DNM2: variants seen among roughly 807,000 people sequenced by gnomAD.
The protein encoded by DNM2 is dynamin-2.
In DNM2, 15 loss-of-function variants were observed where a neutral mutation model predicts 99.0. The observed-to-expected ratio is 0.15, with a 90% CI of 0.10 to 0.23. The LOEUF (loss-of-function observed/expected upper bound fraction) is 0.23, where lower values mean the gene tolerates loss of function less well. DNM2 is among the 10% of genes least tolerant of loss of function. The probability of loss-of-function intolerance (pLI) is 1.00; values close to 1 mark genes in which losing one functional copy is unlikely to be tolerated. For missense variants in DNM2, 742 were observed against 1,189.4 expected (o/e 0.62, Z 5.53); for synonymous variants, 525 against 481.2 (o/e 1.09, Z -1.19).
At position 10,818,973 on chromosome 19, in the gene DNM2, A is replaced by C. The variant is rs1349078900; in HGVS notation, c.1672-1007A>C. 6.6e-6 allele frequency among the ~76,000 whole-genome samples: 1 copy of C among 151,972 alleles called. No individual in the cohort carries two copies. Among genetic ancestry groups the C allele is most frequent in the African/African-American group, 2.4e-5 (1 of 41,386 alleles). On this transcript the variant is annotated intron_variant, in intron 15 of 20. Coordinates refer to ENST00000389253, the MANE Select transcript of DNM2 (RefSeq NM_001005361.3). This position sits in a 1 kb window ranked among gnomAD's most constrained non-coding sequence, Gnocchi z 4.3. The stretch of plus-strand genomic sequence containing the variant: ...GCTGCTGTGGCGGGTGGGCACACAC[A>C]TCACTGGGTGAGTGTGGGACTCCAG...
intron 12 of DNM2, chr19:10,803,800 GCCAGTGCTGGGC>G (rs1434612715): frequency 1.6e-6 from 1 of 617,646 alleles, no homozygotes; most frequent in Non-Finnish European, 2.0e-6. Flanking sequence ...CAGAGCCAGG[GCCAGTGCTGGGC>G]CTCTGGGCCA....
rs375534797 is a variant in DNM2, at chr19:10,811,593, G to C, written c.1558-671G>C. 1 of 421,190 alleles carries C rather than the reference G, an allele frequency of 2.4e-6. No individual in the cohort carries two copies. The highest frequency in any genetic ancestry group is 4.8e-6 in the Non-Finnish European group (1 of 207,810). The allele number at this position is 421,190 out of a possible 1,614,324, so 26.1% of individuals were successfully genotyped here. On this transcript the variant is annotated intron_variant, in intron 14 of 20. Transcript: ENST00000389253. This position sits in a 1 kb window ranked among gnomAD's most constrained non-coding sequence, Gnocchi z 5.4. ...GCCCTCGTCCTGAGTGGGGTGGGGGGCTCTGCCCACACATGCCTCCAGCGG... is the reference window on the plus strand; with the variant it reads ...GCCCTCGTCCTGAGTGGGGTGGGGGCCTCTGCCCACACATGCCTCCAGCGG...
In DNM2 at chr19:10,830,344, C is replaced by T; in HGVS notation, c.2509C>T (p.Arg837Trp). The T allele has an allele frequency of 2.5e-6, 4 of 1,612,752 alleles. No individual in the cohort carries two copies. The highest frequency in any genetic ancestry group is 1.1e-5 in the South Asian group (1 of 91,086). ...APPQIPSRPVRIPPGIPPGVP... is the reference protein window; with the variant it reads ...APPQIPSRPVWIPPGIPPGVP... ...GCCTCAGATCCCATCTCGGCCAGTT[C>T]GGATCCCCCCAGGGATTCCCCCAGG... The change falls in exon 20 of 21, where the codon CGG becomes TGG. Residue 837 changes from arginine (R) to tryptophan (W), a missense_variant. Arg to Trp is a moderately radical substitution (Grantham distance 101). Transcript: ENST00000389253. This position sits in a 1 kb window ranked among gnomAD's most constrained non-coding sequence, Gnocchi z 4.8.
Position 10,786,590 on chromosome 19 carries a change from G to A in DNM2, c.876G>A (p.Ser292=), listed in dbSNP as rs749140605. ...NQQLTNHIRE[S]LPALRSKLQS... ...AACTGACCAACCACATCCGGGAGTC[G>A]CTGCCGGCCCTACGTAGCAAACTAC... The change falls in exon 7 of 21, where the codon TCG becomes TCA. Residue 292 remains serine (S), a synonymous_variant. Coordinates refer to ENST00000389253, the MANE Select transcript of DNM2 (RefSeq NM_001005361.3). 163 of 1,613,954 alleles carry A rather than the reference G, an allele frequency of 1.0e-4. No individual in the cohort carries two copies. Among genetic ancestry groups the A allele is most frequent in the Non-Finnish European group, 1.3e-4 (155 of 1,180,004 alleles).
At chr19:10,827,419 TTTA>T (rs1444247761) in intron 18 of DNM2, among the ~76,000 whole-genome samples, 3 of 152,024 alleles carry the variant, frequency 2.0e-5, no homozygotes, top group Non-Finnish European at 2.9e-5. Context: ...ATAAAAATAT[TTTA>T]TTATTTAAGA....
At chr19:10,761,754 G>A (rs2070640475) in intron 2 of DNM2, among the ~76,000 whole-genome samples, 1 of 152,154 alleles carries the variant, frequency 6.6e-6, no homozygotes, top group African/African-American at 2.4e-5. Flanking sequence ...CTCTCAGCTT[G>A]GCCTCCCAAG....
At chr19:10,808,454 T>C (rs2072429500) in intron 13 of DNM2, 115 bp from the exon 14 acceptor site, 9 of 1,164,994 alleles carry the variant, frequency 7.7e-6, no homozygotes, top group Non-Finnish European at 1.1e-5. Flanking sequence ...TCTTCTCTTC[T>C]CCTGTTTTTG....
At chr19:10,805,861 C>G in intron 12 of DNM2, 55 bp from the exon 13 acceptor site, 1 of 1,613,112 alleles carries the variant, frequency 6.2e-7, no homozygotes, top group South Asian at 1.1e-5. Flanking sequence ...GCCTCTTCCC[C>G]TTCTTCCCCC....
At chr19:10,725,385 G>T (rs1182100373) in intron 1 of DNM2, among the ~76,000 whole-genome samples, 1 of 151,360 alleles carries the variant, frequency 6.6e-6, no homozygotes, top group Middle Eastern at 3.2e-3. Context: ...GGAGGAACTT[G>T]CAGTAAGCGG....
rs762111033 is a variant in DNM2, at chr19:10,759,738, G to C, written c.162G>C (p.Arg54=). 1.9e-6 allele frequency: 3 copies of C among 1,614,072 alleles called. No homozygotes were observed. Among genetic ancestry groups the C allele is most frequent in the Middle Eastern group, 1.6e-4 (1 of 6,062 alleles). ...KSSVLENFVG[R]DFLPRGSGIV... Reference sequence around the variant, plus strand: ...TTCTGTCCCTCTCCCCCCCTCACAGGGACTTCCTTCCCCGCGGTTCAGGAA... The same window carrying C: ...TTCTGTCCCTCTCCCCCCCTCACAGCGACTTCCTTCCCCGCGGTTCAGGAA... Residue 54 remains arginine, a splice_region_variant and synonymous_variant, in exon 2 of 21, where the codon CGG becomes CGC. Transcript: ENST00000389253.
At position 10,817,464 on chromosome 19, in the gene DNM2, C is replaced by T. The variant is rs759983019; in HGVS notation, c.1672-2516C>T. 8 of 498,330 alleles carry T rather than the reference C, an allele frequency of 1.6e-5. No homozygotes were observed. The highest frequency in any genetic ancestry group is 3.3e-5 in the Non-Finnish European group (8 of 242,384). 30.9% of individuals were successfully genotyped at this position (498,330 alleles called of 1,614,324 possible). ...GCAGACTACTGTACACATTGAGAGCCTCCTGAACAGGTAGTCTGAACACTG... is the reference window on the plus strand; with the variant it reads ...GCAGACTACTGTACACATTGAGAGCTTCCTGAACAGGTAGTCTGAACACTG... On this transcript the variant is annotated intron_variant, in intron 15 of 20. Transcript: ENST00000389253. This position sits in a 1 kb window ranked among gnomAD's most constrained non-coding sequence, Gnocchi z 4.6.
intron 1 of DNM2, among the ~76,000 whole-genome samples, chr19:10,730,096 T>A (rs993372570): frequency 6.6e-6 from 1 of 152,110 alleles, no homozygotes; most frequent in Non-Finnish European, 1.5e-5. Flanking sequence ...ACTCCTGGGC[T>A]CATGCGATCC....
chr19:10,781,008 A>C (rs541042783), intron 5 of DNM2, among the ~76,000 whole-genome samples: 66 of 117,176 alleles, frequency 5.6e-4, no homozygotes, highest in Admixed American at 4.8e-3. Flanking sequence ...ACAGAGTGAG[A>C]CTCTGTCTTT....
Position 10,830,928 on chromosome 19 carries a change from C to G in DNM2, c.2544-50C>G. 1 of 1,576,102 alleles carries G rather than the reference C, an allele frequency of 6.3e-7. No homozygotes were observed. Among genetic ancestry groups the G allele is most frequent in the Non-Finnish European group, 8.6e-7 (1 of 1,159,026 alleles). ...TCAACCCAGGCCTGCCTCTTGCTCC[C>G]GGCCTCACTGCCGTCTCCCCCTCCC... On this transcript the variant is annotated intron_variant, in intron 20 of 20. Transcript: ENST00000389253. The surrounding 1 kb of genome is among the most constrained non-coding windows in gnomAD (Gnocchi z 4.8).
chr19:10,731,985 G>A (rs1414943096), intron 1 of DNM2, among the ~76,000 whole-genome samples: 3 of 145,758 alleles, frequency 2.1e-5, no homozygotes, highest in Middle Eastern at 3.5e-3. Context: ...ACGGAGTTTC[G>A]CTGTTGTTGC....
intron 1 of DNM2, among the ~76,000 whole-genome samples, chr19:10,727,924 TTTGGAAAA>T (rs2069166900): frequency 6.6e-6 from 1 of 152,210 alleles, no homozygotes; most frequent in Non-Finnish European, 1.5e-5. Flanking sequence ...GTGTTAAAGC[TTTGGAAAA>T]ATCCAAGCCA....
intron 1 of DNM2, among the ~76,000 whole-genome samples, chr19:10,721,633 T>C (rs895484309): frequency 6.6e-6 from 1 of 152,106 alleles, no homozygotes; most frequent in Non-Finnish European, 1.5e-5. Context: ...AGCCTCGAAC[T>C]CCAGGGCTCA....
intron 3 of DNM2, among the ~76,000 whole-genome samples, chr19:10,773,299 C>G (rs1180063116): frequency 6.6e-6 from 1 of 151,856 alleles, no homozygotes; most frequent in Non-Finnish European, 1.5e-5. Flanking sequence ...AGGCAACTGC[C>G]GCCACGCCTG....
rs2070740683 is a variant in DNM2 at position 10,764,711 on chromosome 19, G to A, written c.235+4900G>A. Among the ~76,000 whole-genome samples, 1 of 152,264 alleles carries A rather than the reference G, an allele frequency of 6.6e-6. No homozygotes were observed. Among genetic ancestry groups the A allele is most frequent in the Middle Eastern group, 3.4e-3 (1 of 294 alleles). ...TCGAGCCTCCTTCTCAAGGCCTTGT[G>A]GCCCTTGCCAGTCTCTGGGACCTCA... On this transcript the variant is annotated intron_variant, in intron 2 of 20. Coordinates refer to ENST00000389253, the MANE Select transcript of DNM2 (RefSeq NM_001005361.3). This position sits in a 1 kb window ranked among gnomAD's most constrained non-coding sequence, Gnocchi z 4.1.
Sources: gnomAD v4.1 joint callset for allele counts (sites outside exome capture counted in the v4.1 genomes callset) on GRCh38, gnomAD v4.1.1 for gene constraint, Gnocchi (gnomAD v3.1) non-coding constraint, MANE v1.5 for transcripts, NCBI Gene and HGNC (gene_info 2026-07-23, HGNC 2026-07-21) for gene names.